The following ADAMTS17 variants were observed in gnomAD, a reference collection of about 807,000 sequenced individuals.
The protein encoded by ADAMTS17 is ADAM metallopeptidase with thrombospondin type 1 motif 17, also known as A disintegrin and metalloproteinase with thrombospondin motifs 17.
Under a neutral mutation model 141.5 loss-of-function variants are expected in ADAMTS17, and 113 were observed. The ratio of observed to expected loss-of-function variants is 0.80; its 90% CI spans 0.69 to 0.93. The LOEUF (loss-of-function observed/expected upper bound fraction) is 0.93, where lower values mean the gene tolerates loss of function less well. Ranked by LOEUF, ADAMTS17 falls within the 40% of genes least tolerant of loss-of-function variation. ADAMTS17 has a pLI of 0.00. For synonymous variants in ADAMTS17, 768 were observed against 630.6 expected, an observed-to-expected ratio of 1.22 and a Z score of -3.27; for missense variants, 1,659 against 1,517.9, an observed-to-expected ratio of 1.09 and a Z score of -1.54.
intron 14 of ADAMTS17, among the ~76,000 whole-genome samples, chr15:100,107,232 T>C (rs2141084081): frequency 6.6e-6 from 1 of 152,318 alleles, no homozygotes; most frequent in East Asian, 1.9e-4. Context: ...GAAATGTTGA[T>C]GCCTATGCAC....
chr15:100,047,059 G>A (rs991025471), intron 18 of ADAMTS17, among the ~76,000 whole-genome samples: 8 of 151,972 alleles, frequency 5.3e-5, no homozygotes, highest in African/African-American at 1.7e-4. Flanking sequence ...GAGCCCCTGA[G>A]GGTAGGCCTC....
At chr15:99,989,837 G>T (rs536241689) in intron 20 of ADAMTS17, among the ~76,000 whole-genome samples, 2 of 152,302 alleles carry the variant, frequency 1.3e-5, no homozygotes, top group African/African-American at 4.8e-5. Context: ...TGGATTTTGG[G>T]CAATGAAATG....
intron 18 of ADAMTS17, among the ~76,000 whole-genome samples, chr15:100,032,381 T>G (rs1289802936): frequency 6.6e-6 from 1 of 152,192 alleles, no homozygotes; most frequent in Non-Finnish European, 1.5e-5. Flanking sequence ...GTTAGATATG[T>G]CCTGAATTTT....
At chr15:100,031,377 A>C (rs1217158616) in intron 18 of ADAMTS17, among the ~76,000 whole-genome samples, 1 of 152,246 alleles carries the variant, frequency 6.6e-6, no homozygotes, top group Non-Finnish European at 1.5e-5. Flanking sequence ...GGTAAAGGAA[A>C]GATTTAAAAT....
chr15:100,220,994 G>A (rs1052385760), intron 7 of ADAMTS17, among the ~76,000 whole-genome samples: 3 of 152,136 alleles, frequency 2.0e-5, no homozygotes, highest in East Asian at 1.9e-4. Context: ...GTTTCTGCAC[G>A]GACCTATGTT....
intron 12 of ADAMTS17, among the ~76,000 whole-genome samples, chr15:100,121,997 C>T (rs539816994): frequency 6.6e-6 from 1 of 152,100 alleles, no homozygotes; most frequent in Non-Finnish European, 1.5e-5. Context: ...CTCTACAAGC[C>T]TCTCCCTCAT....
intron 8 of ADAMTS17, among the ~76,000 whole-genome samples, chr15:100,167,975 A>C (rs1327739063): frequency 6.6e-6 from 1 of 152,186 alleles, no homozygotes; most frequent in African/African-American, 2.4e-5. Context: ...CCTGGCAAAA[A>C]AACCCAGATG....
At chr15:100,011,534 C>G (rs1567674601) in intron 18 of ADAMTS17, among the ~76,000 whole-genome samples, 1 of 152,156 alleles carries the variant, frequency 6.6e-6, no homozygotes, top group East Asian at 1.9e-4. Flanking sequence ...GAAAGTATTT[C>G]TAAAATAGAT....
chr15:100,180,827 CTA>C (rs2040498565), intron 8 of ADAMTS17, among the ~76,000 whole-genome samples: 2 of 152,162 alleles, frequency 1.3e-5, no homozygotes, highest in South Asian at 4.1e-4. Context: ...TAGATACTGC[CTA>C]TGTTCTCTCA....
At chr15:100,245,168 C>T (rs573072794) in intron 7 of ADAMTS17, among the ~76,000 whole-genome samples, 56 of 152,272 alleles carry the variant, frequency 3.7e-4, no homozygotes, top group African/African-American at 1.3e-3. Flanking sequence ...GGGCAGTGGG[C>T]TTTGGACTGA....
intron 12 of ADAMTS17, chr15:100,129,307 C>T (rs936629559): frequency 6.6e-6 from 1 of 152,288 alleles, no homozygotes; most frequent in African/African-American, 2.4e-5. Flanking sequence ...GGAAGGGCAA[C>T]TGGTACCATC....
At chr15:100,200,441 C>A (rs58171099) in intron 7 of ADAMTS17, among the ~76,000 whole-genome samples, 5,659 of 152,132 alleles carry the variant, frequency 0.037, 183 homozygotes, top group East Asian at 0.17. Flanking sequence ...CTCTCCAGGG[C>A]TCCCCACCAC....
chr15:100,166,936 A>T, intron 8 of ADAMTS17, among the ~76,000 whole-genome samples: 1 of 152,224 alleles, frequency 6.6e-6, no homozygotes, highest in East Asian at 1.9e-4. Flanking sequence ...GGGATCACAG[A>T]GAAATCAGCA....
intron 12 of ADAMTS17, chr15:100,128,581 C>A (rs553691971): frequency 5.3e-5 from 8 of 152,112 alleles, no homozygotes; most frequent in African/African-American, 1.9e-4. Flanking sequence ...AGAACAGCCA[C>A]GACTATCATG....
At chr15:100,195,698 T>A (rs989160473) in intron 8 of ADAMTS17, among the ~76,000 whole-genome samples, 1 of 150,382 alleles carries the variant, frequency 6.6e-6, no homozygotes, top group Non-Finnish European at 1.5e-5. Context: ...TACTCGAGTG[T>A]CCTAGGGAAC....
chr15:100,140,203 C>T (rs957742428), intron 10 of ADAMTS17, among the ~76,000 whole-genome samples: 1 of 151,930 alleles, frequency 6.6e-6, no homozygotes, highest in African/African-American at 2.4e-5. Flanking sequence ...ACCATGTTGG[C>T]CAGGCTGGTC....
intron 12 of ADAMTS17, among the ~76,000 whole-genome samples, chr15:100,124,320 G>T (rs1036659720): frequency 6.6e-6 from 1 of 152,188 alleles, no homozygotes; most frequent in Non-Finnish European, 1.5e-5. Context: ...AAAACCAAAC[G>T]GCTTGCATGG....
chr15:100,224,321 G>A (rs1027301437), intron 7 of ADAMTS17, among the ~76,000 whole-genome samples: 6 of 152,122 alleles, frequency 3.9e-5, no homozygotes, highest in Admixed American at 2.6e-4. Flanking sequence ...ACAGGAGGGT[G>A]GGGGGTACAG....
chr15:100,064,403 A>G (rs2033366473), intron 15 of ADAMTS17, among the ~76,000 whole-genome samples: 2 of 152,182 alleles, frequency 1.3e-5, no homozygotes, highest in South Asian at 2.1e-4. Flanking sequence ...CGGAAACCAT[A>G]GCAAAAGAAT....
Sources: allele counts gnomAD v4.1 joint callset (sites outside exome capture counted in the v4.1 genomes callset), GRCh38; gene constraint gnomAD v4.1.1; transcripts MANE v1.5; gene names NCBI Gene and HGNC (gene_info 2026-07-23, HGNC 2026-07-21).